The following MCMDC2 variants were observed in gnomAD, a reference collection of about 807,000 sequenced individuals.
The protein encoded by MCMDC2 is minichromosome maintenance domain-containing protein 2.
Under a neutral mutation model 75.8 loss-of-function variants are expected in MCMDC2, and 54 were observed. The observed-to-expected ratio is 0.71, with a 90% CI of 0.57 to 0.89. The LOEUF (loss-of-function observed/expected upper bound fraction) is 0.89, where lower values mean the gene tolerates loss of function less well. Among genes scored for constraint, MCMDC2 ranks in the 40% least tolerant of loss-of-function variants. The pLI is 0.00. For synonymous variants in MCMDC2, 249 were observed against 274.6 expected, an observed-to-expected ratio of 0.91 and a Z score of 0.92; for missense variants, 656 against 780.4, an observed-to-expected ratio of 0.84 and a Z score of 1.90.
At position 66,878,522 on chromosome 8, in the gene MCMDC2, AATAG is replaced by A. The variant is rs1811404935; in HGVS notation, c.482-47_482-44del. The A allele has an allele frequency of 8.6e-6, 13 of 1,519,010 alleles. No homozygotes were observed. In the African/African-American group the frequency reaches 8.6e-5, roughly 10 times the overall value. 94.1% of individuals were successfully genotyped at this position (1,519,010 alleles called of 1,614,324 possible). ...AAAATGACAACAACAAAAGAAACAA[AATAG>A]ATAGCTAAATCTGAAAGCAAATGTA... On this transcript the variant is annotated intron_variant, in intron 5 of 14. Coordinates refer to ENST00000422365, the MANE Select transcript of MCMDC2 (RefSeq NM_173518.5).
chr8:66,923,680 T>C (rs557603629), downstream of MCMDC2, among the ~76,000 whole-genome samples: 1 of 152,144 alleles, frequency 6.6e-6, no homozygotes, highest in Admixed American at 6.5e-5. Flanking sequence ...GTGGATCACC[T>C]GAGGTCAGGA....
At chr8:66,913,820 C>G (rs974327792) in intron 14 of MCMDC2, among the ~76,000 whole-genome samples, 1 of 151,500 alleles carries the variant, frequency 6.6e-6, no homozygotes, top group South Asian at 2.1e-4. Context: ...AAAAATTAGC[C>G]GGGTGTGGTG....
chr8:66,905,193 CAT>C, intron 13 of MCMDC2, 31 bp from the exon 14 acceptor site: 1 of 1,365,956 alleles, frequency 7.3e-7, no homozygotes, highest in Non-Finnish European at 9.5e-7. Context: ...ATAATATCAA[CAT>C]ATTTTCTTTG....
intron 12 of MCMDC2, 80 bp from the exon 13 acceptor site, chr8:66,901,126 A>C (rs1812636268): frequency 1.0e-6 from 1 of 1,001,926 alleles, no homozygotes; most frequent in Non-Finnish European, 1.5e-6. Flanking sequence ...TGTAAAAATA[A>C]AGTGCCAGTA....
At chr8:66,892,769 A>G (rs1247493900) in intron 10 of MCMDC2, among the ~76,000 whole-genome samples, 1 of 152,176 alleles carries the variant, frequency 6.6e-6, no homozygotes, top group Admixed American at 6.5e-5. Flanking sequence ...GGGTTCCACC[A>G]GGGACCTGCC....
intron 8 of MCMDC2, among the ~76,000 whole-genome samples, chr8:66,881,258 G>A (rs1811545468): frequency 6.6e-6 from 1 of 152,190 alleles, no homozygotes; most frequent in Admixed American, 6.5e-5. Flanking sequence ...TTTGGGCTAA[G>A]CCTTATTTTA....
intron 4 of MCMDC2, among the ~76,000 whole-genome samples, chr8:66,875,042 C>T (rs1811213383): frequency 6.6e-6 from 1 of 152,104 alleles, no homozygotes; most frequent in Non-Finnish European, 1.5e-5. Flanking sequence ...GCGTGAGCCA[C>T]CGCGCCTGGC....
chr8:66,906,704 ATATATGTT>A (rs1812915967), intron 14 of MCMDC2, among the ~76,000 whole-genome samples: 1 of 151,906 alleles, frequency 6.6e-6, no homozygotes, highest in Admixed American at 6.6e-5. Context: ...GGGAGGATAT[ATATATGTT>A]TTTCATTTCA....
At chr8:66,902,712 ATATATATATAT>A (rs1397454110) in intron 13 of MCMDC2, among the ~76,000 whole-genome samples, 1 of 67,762 alleles carries the variant, frequency 1.5e-5, no homozygotes, top group African/African-American at 6.3e-5. Context: ...AAAAAAAAAA[ATATATATATAT>A]ATATATATAT....
chr8:66,896,388 A>G, intron 11 of MCMDC2, 52 bp downstream of exon 11: 1 of 1,450,536 alleles, frequency 6.9e-7, no homozygotes, highest in South Asian at 1.4e-5. Context: ...GAATAAAGTC[A>G]TAAATTTTAA....
intron 9 of MCMDC2, among the ~76,000 whole-genome samples, chr8:66,889,714 G>C (rs539487134): frequency 6.6e-6 from 1 of 152,132 alleles, no homozygotes; most frequent in Non-Finnish European, 1.5e-5. Context: ...AAGGAGAATC[G>C]TTTGAGCCTG....
chr8:66,876,853 C>T (rs1023561332), intron 4 of MCMDC2, among the ~76,000 whole-genome samples: 3 of 152,106 alleles, frequency 2.0e-5, no homozygotes, highest in Admixed American at 1.3e-4. Flanking sequence ...CTCCGCCTCC[C>T]GTGTTCATGC....
At chr8:66,887,292 C>G (rs1238780564) in intron 9 of MCMDC2, among the ~76,000 whole-genome samples, 2 of 151,370 alleles carry the variant, frequency 1.3e-5, no homozygotes, top group East Asian at 3.9e-4. Context: ...ATAACCCCAG[C>G]ACTTTGGGAG....
chr8:66,904,433 A>G (rs1390788925), intron 13 of MCMDC2, among the ~76,000 whole-genome samples: 1 of 152,204 alleles, frequency 6.6e-6, no homozygotes, highest in African/African-American at 2.4e-5. Flanking sequence ...ATTTTAGCTT[A>G]GATTGATAGA....
At chr8:66,916,674 T>TTAAGGAAGGAAGTGAA (rs1202710760) in intron 14 of MCMDC2, among the ~76,000 whole-genome samples, 2 of 151,872 alleles carry the variant, frequency 1.3e-5, no homozygotes, top group Admixed American at 1.3e-4. Flanking sequence ...TTTAAGCTGG[T>TTAAGGAAGGAAGTGAA]TAAGGAAGGA....
chr8:66,905,787 A>T (rs1044284841), intron 14 of MCMDC2, among the ~76,000 whole-genome samples: 5 of 152,148 alleles, frequency 3.3e-5, no homozygotes, highest in African/African-American at 1.2e-4. Flanking sequence ...CAGATGGATC[A>T]CAAGGTCAGG....
intron 9 of MCMDC2, among the ~76,000 whole-genome samples, chr8:66,886,835 C>T (rs1173228255): frequency 6.6e-6 from 1 of 151,588 alleles, no homozygotes; most frequent in Non-Finnish European, 1.5e-5. Context: ...TACCATTTTA[C>T]ATTCCTACCA....
chr8:66,880,646 A>G (rs1047261131), intron 7 of MCMDC2, among the ~76,000 whole-genome samples: 3 of 152,226 alleles, frequency 2.0e-5, no homozygotes, highest in Non-Finnish European at 4.4e-5. Context: ...ATCATAGCAC[A>G]TAAGAATAAA....
At chr8:66,925,629 G>C (rs149844680), downstream of MCMDC2, 153 of 152,458 alleles carry the variant, frequency 1.0e-3, no homozygotes, top group East Asian at 2.1e-3. Context: ...GGGTGCGAAG[G>C]GGGGCTGAGT....
Sources: allele counts gnomAD v4.1 joint callset (sites outside exome capture counted in the v4.1 genomes callset), GRCh38; gene constraint gnomAD v4.1.1; transcripts MANE v1.5; gene names NCBI Gene and HGNC (gene_info 2026-07-23, HGNC 2026-07-21).